Variants in UNC13C observed in about 807,000 individuals in gnomAD.
The protein encoded by UNC13C is protein unc-13 homolog C.
In UNC13C, 174 loss-of-function variants were observed where a neutral mutation model predicts 245.4. The ratio of observed to expected loss-of-function variants is 0.71; its 90% CI spans 0.63 to 0.80. The LOEUF is 0.80. UNC13C is among the 30% of genes least tolerant of loss of function. The pLI is 0.00. For missense variants in UNC13C, 2,829 were observed against 2,602.9 expected, an observed-to-expected ratio of 1.09 and a Z score of -1.89; for synonymous variants, 992 against 895.1, an observed-to-expected ratio of 1.11 and a Z score of -1.93.
chr15:54,629,268 G>A (rs1218309058), downstream of UNC13C: 8 of 152,042 alleles, frequency 5.3e-5, no homozygotes, highest in African/African-American at 1.9e-4. Flanking sequence ...GGCAACAACA[G>A]ACACTGTGGC....
chr15:54,526,571 A>C (rs1895469648), intron 25 of UNC13C, among the ~76,000 whole-genome samples: 1 of 150,550 alleles, frequency 6.6e-6, no homozygotes, highest in African/African-American at 2.5e-5. Context: ...CTCTACTAAA[A>C]GTATAAAACA....
rs529076917 is a variant in UNC13C, at chr15:54,296,391, T to TTG, written c.3989-1419_3989-1418insGT. 6.2e-4 allele frequency among the ~76,000 whole-genome samples: 86 copies of TTG among 137,898 alleles called. 2 individuals carry two copies. Among genetic ancestry groups the TTG allele is most frequent in the African/African-American group, 2.1e-3 (73 of 34,120 alleles). 90.5% of individuals were successfully genotyped at this position (137,898 alleles called of 152,430 possible). A position where few individuals can be genotyped will look rare whatever the true frequency, so the allele number is the denominator to read the frequency against. On this transcript the variant is annotated intron_variant, in intron 11 of 32. Transcript: ENST00000260323. ...AATTTTTTTTTTTTTTTATTTTTTT[T>TTG]TATTTTTTAGTGGAGACGGGGTTTC...
At chr15:54,104,903 T>G (rs1360285517) in intron 2 of UNC13C, among the ~76,000 whole-genome samples, 1 of 152,074 alleles carries the variant, frequency 6.6e-6, no homozygotes, top group Non-Finnish European at 1.5e-5. Flanking sequence ...AACTGGAGAG[T>G]TACACTCTGG....
intron 19 of UNC13C, among the ~76,000 whole-genome samples, chr15:54,431,632 A>G (rs960617906): frequency 4.6e-5 from 7 of 151,720 alleles, no homozygotes; most frequent in African/African-American, 1.4e-4. Context: ...CCACTGAGGA[A>G]GTATTTTTCA....
chr15:54,537,048 C>G (rs989500107), intron 26 of UNC13C, among the ~76,000 whole-genome samples: 3 of 151,994 alleles, frequency 2.0e-5, no homozygotes, highest in African/African-American at 7.2e-5. Context: ...TCTCTGTTCA[C>G]ATATGATGTG....
chr15:53,913,700 T>G, the UNC13C span: 1 of 152,226 alleles, frequency 6.6e-6, no homozygotes, highest in African/African-American at 2.4e-5. Context: ...GCAGTAGAGT[T>G]ACAGGAAGTC....
At chr15:54,212,731 A>T (rs1264591006) in intron 4 of UNC13C, among the ~76,000 whole-genome samples, 1 of 152,104 alleles carries the variant, frequency 6.6e-6, no homozygotes, top group Non-Finnish European at 1.5e-5. Flanking sequence ...CTAGTTTGAC[A>T]GTCGCTAGCA....
chr15:53,925,377 A>G, the UNC13C span, among the ~76,000 whole-genome samples: 1 of 152,214 alleles, frequency 6.6e-6, no homozygotes. Context: ...TCAAACCCCA[A>G]AGGGTCTGTG....
the UNC13C span, among the ~76,000 whole-genome samples, chr15:53,879,839 C>A: frequency 2.6e-5 from 4 of 152,230 alleles, no homozygotes; most frequent in South Asian, 8.3e-4. Flanking sequence ...CCTGCCTTGG[C>A]CTGATTCTCT....
chr15:53,869,109 A>G, the UNC13C span, among the ~76,000 whole-genome samples: 1 of 152,238 alleles, frequency 6.6e-6, no homozygotes, highest in African/African-American at 2.4e-5. Flanking sequence ...TGTCTTAAAA[A>G]AAAGTCATAA....
At chr15:53,908,569 C>T in the UNC13C span, among the ~76,000 whole-genome samples, 1 of 143,190 alleles carries the variant, frequency 7.0e-6, no homozygotes, top group South Asian at 2.4e-4. Flanking sequence ...AAAACCTTGT[C>T]TCTACAAACA....
intron 7 of UNC13C, among the ~76,000 whole-genome samples, chr15:54,240,702 C>T (rs2035828558): frequency 2.0e-5 from 3 of 152,140 alleles, no homozygotes; most frequent in Non-Finnish European, 4.4e-5. Context: ...AGAATCTCAG[C>T]TTAATAAGCT....
intron 1 of UNC13C, among the ~76,000 whole-genome samples, chr15:53,993,584 C>T (rs554661330): frequency 3.9e-5 from 6 of 152,074 alleles, no homozygotes; most frequent in Non-Finnish European, 7.4e-5. Flanking sequence ...GTTGGCATTA[C>T]ATTGACTTGA....
chr15:54,136,731 A>G (rs993993669), intron 2 of UNC13C, among the ~76,000 whole-genome samples: 8 of 152,096 alleles, frequency 5.3e-5, no homozygotes, highest in African/African-American at 1.9e-4. Flanking sequence ...TCGATATCTG[A>G]TTTGCTAAGA....
intron 2 of UNC13C, among the ~76,000 whole-genome samples, chr15:54,039,701 G>A (rs1177686636): frequency 6.6e-6 from 1 of 151,926 alleles, no homozygotes. Context: ...AGATGACCAC[G>A]CTTATATTTC....
intron 30 of UNC13C, among the ~76,000 whole-genome samples, chr15:54,618,814 G>A (rs1900616250): frequency 6.6e-6 from 1 of 152,034 alleles, no homozygotes; most frequent in Admixed American, 6.6e-5. Flanking sequence ...CAGTAATACA[G>A]GACTATGAAA....
the UNC13C span, among the ~76,000 whole-genome samples, chr15:53,943,606 A>G: frequency 2.0e-5 from 3 of 152,306 alleles, no homozygotes; most frequent in African/African-American, 7.2e-5. Context: ...AATTTTATCC[A>G]TAAAGGGCTT....
At chr15:53,931,022 A>G in the UNC13C span, among the ~76,000 whole-genome samples, 1 of 152,180 alleles carries the variant, frequency 6.6e-6, no homozygotes. Flanking sequence ...AGGGACACTT[A>G]AGAGATTTGC....
chr15:53,864,815 A>T, the UNC13C span, among the ~76,000 whole-genome samples: 1 of 152,226 alleles, frequency 6.6e-6, no homozygotes, highest in Non-Finnish European at 1.5e-5. Context: ...AGAAGTATTC[A>T]TTTCAGAAAG....
Sources: allele counts gnomAD v4.1 joint callset (sites outside exome capture counted in the v4.1 genomes callset), GRCh38; gene constraint gnomAD v4.1.1; transcripts MANE v1.5; gene names NCBI Gene and HGNC (gene_info 2026-07-23, HGNC 2026-07-21).